The following PDE4D variants were observed in gnomAD, a reference collection of about 807,000 sequenced individuals.
The protein encoded by PDE4D is 3',5'-cyclic-AMP phosphodiesterase 4D.
In PDE4D, 24 loss-of-function variants were observed where a neutral mutation model predicts 87.4. The observed-to-expected ratio is 0.27, with a 90% CI of 0.20 to 0.39. The LOEUF (loss-of-function observed/expected upper bound fraction) is 0.39. Ranked by LOEUF, PDE4D falls within the 10% of genes least tolerant of loss-of-function variation. The probability of loss-of-function intolerance (pLI) is 1.00; values close to 1 mark genes in which losing one functional copy is unlikely to be tolerated. For synonymous variants in PDE4D, 384 were observed against 383.2 expected (o/e 1.00, Z -0.02); for missense variants, 714 against 1,041.0 (o/e 0.69, Z 4.32).
intron 1 of PDE4D, among the ~76,000 whole-genome samples, chr5:60,354,954 G>T (rs1303709721): frequency 6.6e-6 from 1 of 152,168 alleles, no homozygotes; most frequent in Non-Finnish European, 1.5e-5. Context: ...AGAAGGCAGT[G>T]CTGGTGGTAA....
chr5:59,827,126 C>A (rs1770422876), intron 1 of PDE4D, among the ~76,000 whole-genome samples: 1 of 151,938 alleles, frequency 6.6e-6, no homozygotes, highest in African/African-American at 2.4e-5. Flanking sequence ...CCTCTATAGT[C>A]ATTTTTTGCT....
chr5:59,700,332 G>A (rs1292870768), intron 1 of PDE4D, among the ~76,000 whole-genome samples: 2 of 152,128 alleles, frequency 1.3e-5, no homozygotes, highest in Non-Finnish European at 1.5e-5. Context: ...TCATACCTAT[G>A]ACACTTTTAT....
At position 60,276,062 on chromosome 5, in the gene PDE4D, G is replaced by T. The variant is rs187954709; in HGVS notation, c.-89-90375C>A. 4.8e-4 allele frequency among the ~76,000 whole-genome samples: 73 copies of T among 152,230 alleles called. 1 individual carries two copies. Among genetic ancestry groups the T allele is most frequent in the African/African-American group, 1.7e-3 (69 of 41,548 alleles). ...TTTACATGGCCTAATCATCTGTATT[G>T]TTATAAATTCTATAGACACTTGGGG... is the stretch of plus-strand genomic sequence containing the variant. On this transcript the variant is annotated intron_variant, in intron 1 of 16. Transcript: ENST00000502484.
At chr5:58,977,607 A>C (rs185201217) in intron 11 of PDE4D, among the ~76,000 whole-genome samples, 10 of 152,242 alleles carry the variant, frequency 6.6e-5, no homozygotes, top group Non-Finnish European at 1.5e-4. Flanking sequence ...TCTAAAGTGA[A>C]AGAATTGGAT....
At chr5:60,276,582 C>T (rs1583284211) in intron 1 of PDE4D, among the ~76,000 whole-genome samples, 1 of 152,168 alleles carries the variant, frequency 6.6e-6, no homozygotes, top group East Asian at 1.9e-4. Flanking sequence ...CCAGCTGTAA[C>T]CAATCCAGGT....
intron 1 of PDE4D, among the ~76,000 whole-genome samples, chr5:59,379,918 G>C (rs1171369189): frequency 2.0e-5 from 3 of 152,098 alleles, no homozygotes; most frequent in African/African-American, 7.2e-5. Flanking sequence ...TTGGGGCAGT[G>C]CTGATCCCAT....
At chr5:60,069,648 A>G (rs1353675303) in intron 2 of PDE4D, among the ~76,000 whole-genome samples, 1 of 151,824 alleles carries the variant, frequency 6.6e-6, no homozygotes, top group Non-Finnish European at 1.5e-5. Flanking sequence ...CTTTTTTTCA[A>G]GATTGATTTG....
intron 5 of PDE4D, among the ~76,000 whole-genome samples, chr5:59,066,658 A>T (rs1763981970): frequency 1.3e-5 from 2 of 152,110 alleles, no homozygotes; most frequent in South Asian, 4.1e-4. Flanking sequence ...CAAAAAGCAG[A>T]TACTATAGTC....
chr5:59,247,134 T>A lies in PDE4D; in HGVS notation c.456-31166A>T, dbSNP rs553123573. Among the ~76,000 whole-genome samples, 4 of 152,306 alleles carry A rather than the reference T, an allele frequency of 2.6e-5. No homozygotes were observed. In the South Asian group the frequency reaches 8.3e-4, roughly 32 times the overall value. On this transcript the variant is annotated intron_variant, in intron 1 of 14. Transcript: ENST00000340635. ...ATCTCAACAGGAACCACAGTCTAAT[T>A]GAAATAAATGCCTCTGCCATGAAAC...
At chr5:60,374,545 A>G (rs1761283899) in intron 1 of PDE4D, among the ~76,000 whole-genome samples, 3 of 152,200 alleles carry the variant, frequency 2.0e-5, no homozygotes, top group African/African-American at 7.2e-5. Context: ...ATATTCCACC[A>G]TGTTCTGTTC....
chr5:60,410,268 G>C (rs896032280), intron 1 of PDE4D, among the ~76,000 whole-genome samples: 1 of 152,076 alleles, frequency 6.6e-6, no homozygotes. Context: ...CCTGAAGTGC[G>C]ATCAGTGGAC....
intron 3 of PDE4D, among the ~76,000 whole-genome samples, chr5:59,973,305 A>G (rs1561930183): frequency 6.6e-6 from 1 of 152,208 alleles, no homozygotes; most frequent in Non-Finnish European, 1.5e-5. Flanking sequence ...AAAAATTCAA[A>G]TTATTTTCAC....
chr5:59,448,351 G>A (rs1798643990), intron 1 of PDE4D, among the ~76,000 whole-genome samples: 1 of 152,086 alleles, frequency 6.6e-6, no homozygotes, highest in South Asian at 2.1e-4. Context: ...CCCTGGCTCT[G>A]GGGTCTGTTC....
At chr5:60,518,755 G>T (rs1021619246) in intron 1 of PDE4D, among the ~76,000 whole-genome samples, 3 of 152,058 alleles carry the variant, frequency 2.0e-5, no homozygotes, top group African/African-American at 7.2e-5. Context: ...TCATAATGTT[G>T]AAAGTTGCTA....
rs139760915 is a variant in PDE4D, at chr5:59,226,995, A to G, written c.456-11027T>C. ...CATGTGCTGACCACTAACTAAGAGT[A>G]TGGAGGGAAGAGCAGAAAAGCACAT... On this transcript the variant is annotated intron_variant, in intron 1 of 14. Transcript: ENST00000340635. Among the ~76,000 whole-genome samples, 193 of 152,288 alleles carry G rather than the reference A, an allele frequency of 1.3e-3. 1 individual carries two copies. Among genetic ancestry groups the G allele is most frequent in the African/African-American group, 4.5e-3 (186 of 41,566 alleles).
At chr5:59,036,246 T>C (rs949690817) in intron 6 of PDE4D, among the ~76,000 whole-genome samples, 2 of 152,208 alleles carry the variant, frequency 1.3e-5, no homozygotes, top group Non-Finnish European at 2.9e-5. Flanking sequence ...CTTACTAGTG[T>C]TTTTATTGTG....
intron 1 of PDE4D, among the ~76,000 whole-genome samples, chr5:59,240,591 A>G (rs1757436908): frequency 6.6e-6 from 1 of 152,172 alleles, no homozygotes; most frequent in South Asian, 2.1e-4. Flanking sequence ...TCAGTTGATA[A>G]CACAAGTATA....
At chr5:59,780,074 C>G (rs997636615) in intron 1 of PDE4D, among the ~76,000 whole-genome samples, 1 of 152,128 alleles carries the variant, frequency 6.6e-6, no homozygotes, top group African/African-American at 2.4e-5. Context: ...TTAAGAAGAG[C>G]GTCAGTGAGC....
At chr5:59,161,744 C>T (rs944105671) in intron 5 of PDE4D, among the ~76,000 whole-genome samples, 3 of 152,156 alleles carry the variant, frequency 2.0e-5, no homozygotes, top group East Asian at 1.9e-4. Context: ...GCGAAAAGTA[C>T]GTCCTCTCAA....
Sources: allele counts gnomAD v4.1 joint callset (sites outside exome capture counted in the v4.1 genomes callset), GRCh38; gene constraint gnomAD v4.1.1; transcripts MANE v1.5; gene names NCBI Gene and HGNC (gene_info 2026-07-23, HGNC 2026-07-21).